RFX7: variants seen among roughly 807,000 people sequenced by gnomAD.
RFX7 encodes the protein DNA-binding protein RFX7.
RFX7 carries 26 observed loss-of-function variants against 111.8 expected under a neutral mutation model. That is an observed-to-expected ratio of 0.23 (90% CI 0.17 to 0.32). The LOEUF is 0.32. RFX7 is among the 10% of genes least tolerant of loss of function. The probability of loss-of-function intolerance (pLI) is 1.00; values close to 1 mark genes in which losing one functional copy is unlikely to be tolerated. For synonymous variants in RFX7, 624 were observed against 624.4 expected (o/e 1.00, Z 0.01); for missense variants, 1,573 against 1,772.9 (o/e 0.89, Z 2.02).
upstream of RFX7, chr15:56,243,888 GC>G (rs2043764506): frequency 6.7e-6 from 1 of 148,822 alleles, no homozygotes; most frequent in South Asian, 1.8e-4. Context: ...CCGCACTGCG[GC>G]CCGGCGCAGA....
chr15:56,240,811 G>T (rs2043681035), intron 2 of RFX7, among the ~76,000 whole-genome samples: 1 of 151,988 alleles, frequency 6.6e-6, no homozygotes, highest in Non-Finnish European at 1.5e-5. Flanking sequence ...TAATATTATT[G>T]TCTCAAAAAT....
At chr15:56,216,572 C>T (rs562593296) in intron 2 of RFX7, among the ~76,000 whole-genome samples, 8 of 152,282 alleles carry the variant, frequency 5.3e-5, no homozygotes, top group African/African-American at 1.9e-4. Context: ...AAATTAGATG[C>T]TACTGACCCT....
intron 2 of RFX7, among the ~76,000 whole-genome samples, chr15:56,215,128 C>A (rs1290026876): frequency 1.3e-5 from 2 of 152,128 alleles, no homozygotes; most frequent in Non-Finnish European, 2.9e-5. Flanking sequence ...TATCAAATGG[C>A]ACAGTATTTG....
intron 2 of RFX7, among the ~76,000 whole-genome samples, chr15:56,223,714 G>A (rs2043450196): frequency 6.6e-6 from 1 of 151,942 alleles, no homozygotes; most frequent in Non-Finnish European, 1.5e-5. Flanking sequence ...GTTTACTTCG[G>A]GTATATTTTC....
At chr15:56,153,186 G>A (rs1359291031) in intron 3 of RFX7, among the ~76,000 whole-genome samples, 2 of 152,268 alleles carry the variant, frequency 1.3e-5, no homozygotes, top group South Asian at 2.1e-4. Context: ...CAGAAAAAGA[G>A]GGACTCCTCC....
rs906595251 is a variant in RFX7, at chr15:56,092,315, A to G, written c.*1030T>C. On this transcript the variant is annotated 3_prime_UTR_variant, in exon 10 of 10. Transcript: ENST00000559447. ...ATGTTATCCTCCTTCCTGTTTTTCA[A>G]AGGGATCCTATGATCAAACTACATT... 4 of 152,474 alleles carry G rather than the reference A, an allele frequency of 2.6e-5. No individual in the cohort carries two copies. The highest frequency in any genetic ancestry group is 9.7e-5 in the African/African-American group (4 of 41,436). 9.4% of individuals were successfully genotyped at this position (152,474 alleles called of 1,614,324 possible).
At chr15:56,136,867 G>A (rs2042310607) in intron 5 of RFX7, among the ~76,000 whole-genome samples, 1 of 146,758 alleles carries the variant, frequency 6.8e-6, no homozygotes, top group Admixed American at 6.8e-5. Context: ...TGCATCTATT[G>A]AGATAATCAT....
chr15:56,100,240 A>G (rs2041734684), intron 8 of RFX7, among the ~76,000 whole-genome samples: 1 of 152,162 alleles, frequency 6.6e-6, no homozygotes, highest in Non-Finnish European at 1.5e-5. Context: ...CTGCTGGGGG[A>G]ATTAAATGAG....
At chr15:56,210,655 A>G (rs2043304562) in intron 2 of RFX7, among the ~76,000 whole-genome samples, 1 of 152,166 alleles carries the variant, frequency 6.6e-6, no homozygotes, top group Non-Finnish European at 1.5e-5. Flanking sequence ...AAGATTGCTG[A>G]AAAATTCCAA....
At chr15:56,159,359 C>T (rs535497902) in intron 3 of RFX7, among the ~76,000 whole-genome samples, 1 of 152,248 alleles carries the variant, frequency 6.6e-6, no homozygotes, top group Admixed American at 6.5e-5. Flanking sequence ...CTGGTAATCT[C>T]CACTAACTTG....
chr15:56,098,298 A>G lies in RFX7; in HGVS notation c.890T>C (p.Leu297Ser), dbSNP rs201133248. 1.6e-5 allele frequency: 26 copies of G among 1,613,832 alleles called. No individual in the cohort carries two copies. In the African/African-American group the frequency reaches 2.4e-4, roughly 15 times the overall value. Reference protein sequence around the residue: ...SNSFQPQVKTLPSPIDAKQQL... With the variant: ...SNSFQPQVKTSPSPIDAKQQL... The stretch of plus-strand genomic sequence containing the variant: ...CTGTTTAGCATCAATTGGAGATGGC[A>G]AAGTCTTCACCTGAGGCTGAAAGGA... Residue 297 changes from leucine (L) to serine (S), a missense_variant, in exon 9 of 10, where the codon TTG (leucine) becomes TCG (serine). Transcript: ENST00000559447.
chr15:56,090,611 G>A lies in RFX7; in HGVS notation c.*2734C>T, dbSNP rs1478376760. The stretch of plus-strand genomic sequence containing the variant: ...TTTTGAGCACTTTAATAAAAAAAGA[G>A]AACTGAAATGCTACCGCAATATTCA... On this transcript the variant is annotated 3_prime_UTR_variant, in exon 10 of 10. Transcript: ENST00000559447. 6.6e-6 allele frequency: 1 copy of A among 152,546 alleles called. No individual in the cohort carries two copies. Among genetic ancestry groups the A allele is most frequent in the Non-Finnish European group, 1.5e-5 (1 of 67,996 alleles). 9.4% of individuals were successfully genotyped at this position (152,546 alleles called of 1,614,324 possible). A position where few individuals can be genotyped will look rare whatever the true frequency, so the allele number is the denominator to read the frequency against.
At chr15:56,109,039 C>T (rs1210411577) in intron 5 of RFX7, among the ~76,000 whole-genome samples, 1 of 151,064 alleles carries the variant, frequency 6.6e-6, no homozygotes, top group Non-Finnish European at 1.5e-5. Flanking sequence ...CCCTCTCCCT[C>T]TCCCACTCCC....
intron 2 of RFX7, among the ~76,000 whole-genome samples, chr15:56,222,429 A>T (rs1196070228): frequency 6.6e-6 from 1 of 152,112 alleles, no homozygotes; most frequent in African/African-American, 2.4e-5. Flanking sequence ...TCTTTCAATA[A>T]TCATATCTTC....
intron 4 of RFX7, among the ~76,000 whole-genome samples, chr15:56,143,123 G>A (rs1350843738): frequency 6.6e-6 from 1 of 152,038 alleles, no homozygotes; most frequent in Non-Finnish European, 1.5e-5. Context: ...TCCCCATGCA[G>A]GTGATAGAGC....
At chr15:56,147,575 C>A (rs1279352636) in intron 3 of RFX7, among the ~76,000 whole-genome samples, 2 of 146,748 alleles carry the variant, frequency 1.4e-5, no homozygotes, top group Admixed American at 6.9e-5. Context: ...AATAAAAAAT[C>A]TAATTTTTTT....
At chr15:56,167,848 C>T (rs1299930448) in intron 3 of RFX7, among the ~76,000 whole-genome samples, 1 of 152,152 alleles carries the variant, frequency 6.6e-6, no homozygotes, top group African/African-American at 2.4e-5. Context: ...TTAGTGAGCA[C>T]ACTGTAAGTT....
At chr15:56,240,524 A>T in intron 2 of RFX7, among the ~76,000 whole-genome samples, 1 of 152,172 alleles carries the variant, frequency 6.6e-6, no homozygotes, top group Non-Finnish European at 1.5e-5. Flanking sequence ...GTAAATTATG[A>T]ACTGATAACT....
chr15:56,131,807 A>G (rs2042221859), intron 5 of RFX7, among the ~76,000 whole-genome samples: 1 of 152,136 alleles, frequency 6.6e-6, no homozygotes, highest in Non-Finnish European at 1.5e-5. Flanking sequence ...ATGTAATAAC[A>G]AAGTAAAGAC....
Sources: allele counts gnomAD v4.1 joint callset (sites outside exome capture counted in the v4.1 genomes callset), GRCh38; gene constraint gnomAD v4.1.1; transcripts MANE v1.5; gene names NCBI Gene and HGNC (gene_info 2026-07-23, HGNC 2026-07-21).